Variants in PHF14 observed in about 807,000 individuals in gnomAD.
PHF14 encodes the protein PHD finger protein 14.
Under a neutral mutation model 117.9 loss-of-function variants are expected in PHF14, and 55 were observed. The ratio of observed to expected loss-of-function variants is 0.47; its 90% CI spans 0.38 to 0.58. The LOEUF is 0.58. Ranked by LOEUF, PHF14 falls within the 20% of genes least tolerant of loss-of-function variation. The probability of loss-of-function intolerance (pLI) is 0.00; values close to 1 mark genes in which losing one functional copy is unlikely to be tolerated. For synonymous variants in PHF14, 409 were observed against 368.6 expected (o/e 1.11, Z -1.26); for missense variants, 978 against 1,122.2 (o/e 0.87, Z 1.84).
At chr7:11,052,472 A>G (rs1784878031) in intron 14 of PHF14, among the ~76,000 whole-genome samples, 1 of 152,258 alleles carries the variant, frequency 6.6e-6, no homozygotes, top group East Asian at 1.9e-4. Context: ...CTCCTGCAGC[A>G]TGGTAACAAG....
chr7:11,148,236 T>C (rs184519788), intron 17 of PHF14, among the ~76,000 whole-genome samples: 7 of 152,338 alleles, frequency 4.6e-5, no homozygotes, highest in Non-Finnish European at 1.5e-5. Flanking sequence ...GCAAATCATA[T>C]TATTTAAATT....
intron 3 of PHF14, among the ~76,000 whole-genome samples, chr7:10,983,363 G>A (rs1369231622): frequency 6.6e-6 from 1 of 152,116 alleles, no homozygotes; most frequent in Non-Finnish European, 1.5e-5. Flanking sequence ...TTCTCAAGGA[G>A]CTCACAATCT....
intron 2 of PHF14, among the ~76,000 whole-genome samples, chr7:10,975,940 G>C (rs1781848412): frequency 6.6e-6 from 1 of 152,144 alleles, no homozygotes; most frequent in East Asian, 1.9e-4. Context: ...ACTTTTAGTA[G>C]CATCAACAGC....
intron 16 of PHF14, among the ~76,000 whole-genome samples, chr7:11,065,041 G>C (rs1305945174): frequency 6.6e-6 from 1 of 152,010 alleles, no homozygotes; most frequent in Non-Finnish European, 1.5e-5. Context: ...GTCAGAAAAT[G>C]TACATGTCCT....
chr7:11,077,506 C>T (rs1785909031), intron 16 of PHF14, among the ~76,000 whole-genome samples: 1 of 148,228 alleles, frequency 6.7e-6, no homozygotes, highest in Admixed American at 6.9e-5. Flanking sequence ...GAGGCTGAGG[C>T]AGGAGAATCA....
rs1782080251 is a variant in PHF14, at chr7:10,982,638, A to G, written c.379A>G (p.Lys127Glu). 1 of 1,548,948 alleles carries G rather than the reference A, an allele frequency of 6.5e-7. No individual in the cohort carries two copies. The highest frequency in any genetic ancestry group is 2.0e-5 in the Admixed American group (1 of 51,044). ...GAAGGAAAAAGAAAAGGAAAAGGAG[A>G]AAGAGAAGGAAAGAGAGAAGGAAAA... ...KEKEKEKEKE[K>E]EKEREKEKEK... Residue 127 changes from lysine (K) to glutamate (E), a missense_variant, in exon 3 of 18, where the codon AAA becomes GAA. Around this residue, in one of 7 missense-constraint regions of PHF14, gnomAD observed 414 missense variants for 376.4 expected, o/e 1.10. Coordinates refer to ENST00000634607, the MANE Select transcript of PHF14 (RefSeq NM_001007157.2).
At chr7:11,052,700 C>G (rs1784885045) in intron 14 of PHF14, among the ~76,000 whole-genome samples, 1 of 152,176 alleles carries the variant, frequency 6.6e-6, no homozygotes, top group Non-Finnish European at 1.5e-5. Flanking sequence ...GCATTTCTCT[C>G]AGTACTAATG....
At chr7:11,129,317 GAT>G (rs1402016346) in intron 17 of PHF14, among the ~76,000 whole-genome samples, 1 of 151,984 alleles carries the variant, frequency 6.6e-6, no homozygotes, top group Middle Eastern at 3.2e-3. Flanking sequence ...AGACCAAGAA[GAT>G]ATCTGTTCAG....
intron 17 of PHF14, among the ~76,000 whole-genome samples, chr7:11,141,420 G>A (rs185650615): frequency 1.3e-5 from 2 of 152,108 alleles, no homozygotes; most frequent in Admixed American, 1.3e-4. Context: ...AGAATCTGGT[G>A]CTCATTTTCT....
intron 17 of PHF14, among the ~76,000 whole-genome samples, chr7:11,131,469 A>T (rs1788089146): frequency 6.6e-6 from 1 of 151,848 alleles, no homozygotes; most frequent in South Asian, 2.1e-4. Flanking sequence ...ACCTATTCAG[A>T]TCTTTGGCCT....
At chr7:10,988,424 C>G (rs140616736) in intron 3 of PHF14, among the ~76,000 whole-genome samples, 7 of 152,046 alleles carry the variant, frequency 4.6e-5, no homozygotes, top group African/African-American at 1.2e-4. Flanking sequence ...AACCTTTTTT[C>G]CAGGGCTGAA....
Position 11,022,932 on chromosome 7 carries a change from C to G in PHF14, c.1270C>G (p.Arg424Gly), listed in dbSNP as rs1331384405. 6 of 1,610,054 alleles carry G rather than the reference C, an allele frequency of 3.7e-6. No individual in the cohort carries two copies. Among genetic ancestry groups the G allele is most frequent in the Non-Finnish European group, 3.4e-6 (4 of 1,177,458 alleles). The part of the protein sequence containing the change: ...GVAFGDIDKL[R>G]PVTLTEMNYS... ...AGCCTTTGGAGATATTGACAAATTA[C>G]GACCAGTAACACTAACGGAAATGAA... Residue 424 changes from arginine to glycine, a missense_variant, in exon 6 of 18, where the codon CGA (arginine) becomes GGA (glycine). By Grantham distance (125) the Arg-to-Gly change is moderately radical. Around this residue, in one of 7 missense-constraint regions of PHF14, gnomAD observed 86 missense variants for 137.8 expected, o/e 0.62. Coordinates refer to ENST00000634607, the MANE Select transcript of PHF14 (RefSeq NM_001007157.2).
At chr7:11,084,900 C>T (rs929848254) in intron 16 of PHF14, among the ~76,000 whole-genome samples, 4 of 151,892 alleles carry the variant, frequency 2.6e-5, no homozygotes, top group Non-Finnish European at 5.9e-5. Flanking sequence ...TATCCTTTGC[C>T]GCTTTATCTT....
intron 17 of PHF14, among the ~76,000 whole-genome samples, chr7:11,114,626 A>C (rs546463431): frequency 6.6e-5 from 10 of 152,286 alleles, no homozygotes; most frequent in African/African-American, 2.4e-4. Context: ...GTATAGCATG[A>C]TAAGACTTTC....
chr7:11,047,068 CT>C (rs941073299), intron 13 of PHF14, among the ~76,000 whole-genome samples: 4 of 145,730 alleles, frequency 2.7e-5, no homozygotes, highest in Non-Finnish European at 4.6e-5. Context: ...AGTCCACTTT[CT>C]TTTTTTTTTC....
intron 14 of PHF14, among the ~76,000 whole-genome samples, chr7:11,056,347 G>A (rs1785018395): frequency 6.6e-6 from 1 of 152,122 alleles, no homozygotes; most frequent in Non-Finnish European, 1.5e-5. Flanking sequence ...TTTTATAGCA[G>A]CACTTACTTG....
chr7:11,169,501 GT>G lies in PHF14; in HGVS notation c.*12del. On this transcript the variant is annotated 3_prime_UTR_variant, in exon 18 of 18. Transcript: ENST00000634607. ...AATCCAAAGAAATAAAAGATTTTCT[GT>G]AGTGTTTTTGAAAAGTTTGCAGCTT... 4.4e-6 allele frequency: 6 copies of G among 1,375,088 alleles called. No individual in the cohort carries two copies. The highest frequency in any genetic ancestry group is 5.9e-6 in the Non-Finnish European group (6 of 1,014,926). The allele number at this position is 1,375,088 out of a possible 1,614,324, so 85.2% of individuals were successfully genotyped here. A position where few individuals can be genotyped will look rare whatever the true frequency, so the allele number is the denominator to read the frequency against.
intron 17 of PHF14, among the ~76,000 whole-genome samples, chr7:11,152,432 T>A (rs1193102356): frequency 2.0e-5 from 3 of 152,098 alleles, no homozygotes; most frequent in Non-Finnish European, 2.9e-5. Context: ...GGATTATAAA[T>A]AACGAACGTA....
chr7:10,981,651 A>T (rs1355256120), intron 2 of PHF14, among the ~76,000 whole-genome samples: 1 of 152,192 alleles, frequency 6.6e-6, no homozygotes, highest in Non-Finnish European at 1.5e-5. Context: ...TAGAGCATAT[A>T]GTAGTTACTG....
Sources: allele counts gnomAD v4.1 joint callset (sites outside exome capture counted in the v4.1 genomes callset), GRCh38; gene constraint gnomAD v4.1.1; regional missense constraint gnomAD v4.1.1; transcripts MANE v1.5; gene names NCBI Gene and HGNC (gene_info 2026-07-23, HGNC 2026-07-21).